Variants in TNKS2 observed in about 807,000 individuals in gnomAD.
TNKS2 encodes the protein poly [ADP-ribose] polymerase tankyrase-2.
TNKS2 carries 72 observed loss-of-function variants against 137.6 expected under a neutral mutation model. The ratio of observed to expected loss-of-function variants is 0.52; its 90% CI spans 0.43 to 0.64. TNKS2 has a LOEUF of 0.64. TNKS2 is among the 30% of genes least tolerant of loss of function. The probability of loss-of-function intolerance (pLI) is 0.00; values close to 1 mark genes in which losing one functional copy is unlikely to be tolerated. For missense variants in TNKS2, 1,049 were observed against 1,410.2 expected (o/e 0.74, Z 4.10); for synonymous variants, 516 against 512.1 (o/e 1.01, Z -0.10).
chr10:91,836,356 A>T (rs1184678753), intron 12 of TNKS2, among the ~76,000 whole-genome samples: 1 of 151,886 alleles, frequency 6.6e-6, no homozygotes, highest in Non-Finnish European at 1.5e-5. Flanking sequence ...TCTTTAATCC[A>T]TCTGGAGTTT....
chr10:91,856,455 T>C (rs1589695439), intron 23 of TNKS2, among the ~76,000 whole-genome samples: 3 of 152,338 alleles, frequency 2.0e-5, no homozygotes, highest in Admixed American at 2.0e-4. Context: ...ATGAGTATAA[T>C]ATGTAATCAG....
intron 1 of TNKS2, among the ~76,000 whole-genome samples, chr10:91,810,597 G>A (rs1258008883): frequency 6.6e-6 from 1 of 151,466 alleles, no homozygotes; most frequent in East Asian, 2.0e-4. Flanking sequence ...CTGCCTCCCA[G>A]GTTCATGCCA....
At chr10:91,855,466 C>T in intron 22 of TNKS2, 148 bp from the exon 23 acceptor site, 1 of 719,110 alleles carries the variant, frequency 1.4e-6, no homozygotes, top group African/African-American at 1.8e-5. Flanking sequence ...GCACCATGCC[C>T]AGCCCTCATA....
Position 91,845,892 on chromosome 10 carries a change from C to T in TNKS2, c.2310C>T (p.Asp770=), listed in dbSNP as rs775906979. 11 of 1,591,128 alleles carry T rather than the reference C, an allele frequency of 6.9e-6. No homozygotes were observed. The change falls in exon 18 of 27, where the codon GAC becomes GAT. Residue 770 remains aspartate (D), a synonymous_variant. Coordinates refer to ENST00000371627, the MANE Select transcript of TNKS2 (RefSeq NM_025235.4). The part of the protein sequence containing the change: ...LCALLLAHGA[D]PTLKNQEGQT... Reference sequence around the variant, plus strand: ...CTTTGTTGCTAGCCCATGGAGCTGACCCGACTCTTAAAAATCAGGAAGGAC... The same window carrying T: ...CTTTGTTGCTAGCCCATGGAGCTGATCCGACTCTTAAAAATCAGGAAGGAC...
Position 91,838,730 on chromosome 10 carries a change from A to G in TNKS2, c.1527+1732A>G, listed in dbSNP as rs541067425. Among the ~76,000 whole-genome samples, 3 of 152,362 alleles carry G rather than the reference A, an allele frequency of 2.0e-5. No homozygotes were observed. The South Asian group carries it at 6.2e-4, about 32-fold the overall frequency. On this transcript the variant is annotated intron_variant, in intron 13 of 26. Coordinates refer to ENST00000371627, the MANE Select transcript of TNKS2 (RefSeq NM_025235.4). ...GGGAAGCACAGAAGAGCTTTTTACC[A>G]GGACAATGATTAAACCCCTTGAGGT...
intron 1 of TNKS2, among the ~76,000 whole-genome samples, chr10:91,803,413 A>G (rs1844236212): frequency 6.6e-6 from 1 of 152,096 alleles, no homozygotes; most frequent in South Asian, 2.1e-4. Flanking sequence ...AGGCAAAGAC[A>G]GGAGTATCAC....
chr10:91,845,327 G>T (rs992290426), intron 17 of TNKS2, among the ~76,000 whole-genome samples: 15 of 152,144 alleles, frequency 9.9e-5, no homozygotes, highest in Admixed American at 9.2e-4. Context: ...GCACCAACGG[G>T]GTAGATGGAA....
chr10:91,845,342 T>C (rs1428005408), intron 17 of TNKS2, among the ~76,000 whole-genome samples: 1 of 152,222 alleles, frequency 6.6e-6, no homozygotes, highest in East Asian at 1.9e-4. Flanking sequence ...ATGGAATCTG[T>C]ACAGATTCAG....
rs761630070 is a variant in TNKS2 at position 91,857,433 on chromosome 10, G to A, written c.2997G>A (p.Lys999=). The A allele has an allele frequency of 1.9e-6, 3 of 1,601,484 alleles. No individual in the cohort carries two copies. The highest frequency in any genetic ancestry group is 2.7e-5 in the African/African-American group (2 of 74,362). Residue 999 remains lysine, a synonymous_variant, in exon 24 of 27, where the codon AAG becomes AAA. Coordinates refer to ENST00000371627, the MANE Select transcript of TNKS2 (RefSeq NM_025235.4). ...FNRYNILKIQ[K]VCNKKLWERY... ...TGGTTTATTTTTTATAGATTCAGAA[G>A]GTTTGTAACAAGAAACTATGGGAAA... is the stretch of plus-strand genomic sequence containing the variant.
chr10:91,845,749 C>A lies in TNKS2; in HGVS notation c.2170-3C>A. 6.6e-7 allele frequency: 1 copy of A among 1,507,660 alleles called. No homozygotes were observed. The highest frequency in any genetic ancestry group is 9.0e-7 in the Non-Finnish European group (1 of 1,116,180). 93.4% of individuals were successfully genotyped at this position (1,507,660 alleles called of 1,614,324 possible). A position where few individuals can be genotyped will look rare whatever the true frequency, so the allele number is the denominator to read the frequency against. On this transcript the variant is annotated splice_polypyrimidine_tract_variant and splice_region_variant and intron_variant, in intron 17 of 26. Coordinates refer to ENST00000371627, the MANE Select transcript of TNKS2 (RefSeq NM_025235.4). ...AGACTGTAACGGGTATTTTCTTTTA[C>A]AGCATGTAGATGTAGCAGCTCTACT...
chr10:91,845,153 A>G, intron 17 of TNKS2, 125 bp downstream of exon 17: 1 of 696,778 alleles, frequency 1.4e-6, no homozygotes, highest in Non-Finnish European at 2.5e-6. Flanking sequence ...GAGCTAAAGA[A>G]GTTAAATAAC....
chr10:91,802,522 T>C (rs1844201464), intron 1 of TNKS2, among the ~76,000 whole-genome samples: 1 of 152,140 alleles, frequency 6.6e-6, no homozygotes, highest in African/African-American at 2.4e-5. Context: ...TTCAGAGATG[T>C]TGTAGAGAGG....
intron 25 of TNKS2, among the ~76,000 whole-genome samples, 170 bp downstream of exon 25, chr10:91,859,818 A>G (rs1197770683): frequency 1.3e-5 from 2 of 152,206 alleles, no homozygotes; most frequent in African/African-American, 2.4e-5. Context: ...TTATTAAATG[A>G]TCCGTATGGG....
At chr10:91,829,314 A>G (rs1717289200) in intron 9 of TNKS2, among the ~76,000 whole-genome samples, 1 of 152,138 alleles carries the variant, frequency 6.6e-6, no homozygotes, top group African/African-American at 2.4e-5. Context: ...CTGTAGACTA[A>G]TAAGAAATGC....
At chr10:91,810,932 T>C (rs1459206956) in intron 1 of TNKS2, among the ~76,000 whole-genome samples, 32 of 119,658 alleles carry the variant, frequency 2.7e-4, no homozygotes, top group African/African-American at 9.5e-4. Context: ...TTTTTTTTTT[T>C]TTTTTTTTTT....
At position 91,798,466 on chromosome 10, in the gene TNKS2, T is replaced by A. The variant is rs1338194377; in HGVS notation, c.-225T>A. The A allele has an allele frequency of 2.8e-6, 1 of 352,222 alleles. No individual in the cohort carries two copies. The highest frequency in any genetic ancestry group is 2.2e-5 in the African/African-American group (1 of 46,382). 21.8% of individuals were successfully genotyped at this position (352,222 alleles called of 1,614,324 possible). ...GTCGTTTCAGGACCCGGACGGCGGA[T>A]TCGCGCTGCCTCCGCCGCCGCGGGG... On this transcript the variant is annotated 5_prime_UTR_variant, in exon 1 of 27. Transcript: ENST00000371627.
Position 91,833,899 on chromosome 10 carries a change from C to T in TNKS2, c.1322C>T (p.Ala441Val). The T allele has an allele frequency of 6.2e-7, 1 of 1,613,540 alleles. No homozygotes were observed. Among genetic ancestry groups the T allele is most frequent in the African/African-American group, 1.3e-5 (1 of 75,004 alleles). Residue 441 changes from alanine to valine, a missense_variant, in exon 12 of 27, where the codon GCA becomes GTA. Coordinates refer to ENST00000371627, the MANE Select transcript of TNKS2 (RefSeq NM_025235.4). ...GGTCAGACTTCTCTACACAGAGCTG[C>T]ATATTGTGGTCATCTACAAACCTGC... ...NLGQTSLHRA[A>V]YCGHLQTCRL... is the part of the protein sequence containing the mutation.
At chr10:91,802,842 A>G (rs1474599511) in intron 1 of TNKS2, among the ~76,000 whole-genome samples, 1 of 152,258 alleles carries the variant, frequency 6.6e-6, no homozygotes, top group African/African-American at 2.4e-5. Context: ...GAGATAAATC[A>G]TACATCAGCA....
At position 91,798,701 on chromosome 10, in the gene TNKS2, G is replaced by C. The variant is rs1844050833; in HGVS notation, c.11G>C (p.Arg4Pro). The change falls in exon 1 of 27, where the codon CGC (arginine) becomes CCC (proline). Residue 4 changes from arginine to proline, a missense_variant. By Grantham distance (103) the Arg-to-Pro change is moderately radical (BLOSUM62 -2). Coordinates refer to ENST00000371627, the MANE Select transcript of TNKS2 (RefSeq NM_025235.4). MSG[R>P]RCAGGGAACA... Reference sequence around the variant, plus strand: ...GCGGCGGCCAGGATCATGTCGGGTCGCCGCTGCGCCGGCGGGGGAGCGGCC... The same window carrying C: ...GCGGCGGCCAGGATCATGTCGGGTCCCCGCTGCGCCGGCGGGGGAGCGGCC... The C allele has an allele frequency of 8.1e-7, 1 of 1,231,464 alleles. No homozygotes were observed. 76.3% of individuals were successfully genotyped at this position (1,231,464 alleles called of 1,614,324 possible).
Sources: gnomAD v4.1 joint callset for allele counts (sites outside exome capture counted in the v4.1 genomes callset) on GRCh38, gnomAD v4.1.1 for gene constraint, MANE v1.5 for transcripts, NCBI Gene and HGNC (gene_info 2026-07-23, HGNC 2026-07-21) for gene names.